The following AFDN variants were observed in gnomAD, a reference collection of about 807,000 sequenced individuals.
AFDN encodes the protein afadin, adherens junction formation factor.
A neutral mutation model predicts 216.6 loss-of-function variants in AFDN; 68 were observed. The ratio of observed to expected loss-of-function variants is 0.31; its 90% CI spans 0.26 to 0.38. AFDN has a LOEUF of 0.38. AFDN is among the 10% of genes least tolerant of loss of function. The pLI is 1.00. For missense variants in AFDN, 2,136 were observed against 2,342.0 expected (o/e 0.91, Z 1.82); for synonymous variants, 868 against 853.7 (o/e 1.02, Z -0.29).
chr6:167,835,824 G>A (rs576117016), intron 1 of AFDN, among the ~76,000 whole-genome samples: 23 of 152,294 alleles, frequency 1.5e-4, no homozygotes, highest in South Asian at 1.5e-3. Flanking sequence ...AACCTTGGGG[G>A]TTCATGGACT....
rs1213724662 is a variant in AFDN at position 167,962,944 on chromosome 6, T to C, written c.4968+377T>C. ...GATTGCTTAAATGGCATGTGGACCG[T>C]GGGAAGCAGTAGGAGCGTAGTAAGA... On this transcript the variant is annotated intron_variant, in intron 31 of 33. Transcript: ENST00000683244. The surrounding 1 kb of genome is among the most constrained non-coding windows in gnomAD (Gnocchi z 5.2). 39 of 1,122,998 alleles carry C rather than the reference T, an allele frequency of 3.5e-5. No individual in the cohort carries two copies. The highest frequency in any genetic ancestry group is 4.2e-5 in the Non-Finnish European group (38 of 912,534). The allele number at this position is 1,122,998 out of a possible 1,614,324, so 69.6% of individuals were successfully genotyped here.
chr6:167,842,942 C>T (rs1471355084), intron 1 of AFDN, among the ~76,000 whole-genome samples: 1 of 149,728 alleles, frequency 6.7e-6, no homozygotes, highest in Non-Finnish European at 1.5e-5. Context: ...TAAAGGTCTA[C>T]AAAAAAAAAC....
Position 167,902,042 on chromosome 6 carries a change from G to A in AFDN, c.1581-275G>A, listed in dbSNP as rs142506043. On this transcript the variant is annotated intron_variant, in intron 11 of 33. Coordinates refer to ENST00000683244, the MANE Select transcript of AFDN (RefSeq NM_001386888.1). ...GAGGAGGCAGAGGTTGCAGTGAGCC[G>A]AAATTGTGCTACTGTACTCCAGCCT... is the stretch of plus-strand genomic sequence containing the variant. Among the ~76,000 whole-genome samples the A allele has an allele frequency of 9.4e-3, 1,319 of 140,384 alleles. 21 individuals carry two copies. The highest frequency in any genetic ancestry group is 0.034 in the African/African-American group (1,255 of 37,152). 92.1% of individuals were successfully genotyped at this position (140,384 alleles called of 152,430 possible). A position where few individuals can be genotyped will look rare whatever the true frequency, so the allele number is the denominator to read the frequency against.
intron 5 of AFDN, 105 bp downstream of exon 5, chr6:167,875,600 AC>A: frequency 8.4e-7 from 1 of 1,187,342 alleles, no homozygotes; most frequent in South Asian, 1.5e-5. Context: ...GGGTGGTGTA[AC>A]CTTTTCATAA....
chr6:167,948,559 T>C, intron 29 of AFDN, 81 bp downstream of exon 29: 1 of 1,345,258 alleles, frequency 7.4e-7, no homozygotes, highest in Non-Finnish European at 1.0e-6. Context: ...TAATATTTTC[T>C]ATAGAACAGC....
chr6:167,926,743 C>G (rs1792588662), intron 23 of AFDN, among the ~76,000 whole-genome samples: 1 of 152,190 alleles, frequency 6.6e-6, no homozygotes, highest in Middle Eastern at 3.2e-3. Context: ...GACTTGCTGG[C>G]AGCTCACTCT....
At chr6:167,876,688 G>A (rs559316316) in intron 5 of AFDN, among the ~76,000 whole-genome samples, 1 of 152,146 alleles carries the variant, frequency 6.6e-6, no homozygotes, top group Non-Finnish European at 1.5e-5. Context: ...AGCTAGCTTA[G>A]AGTATCAATT....
chr6:167,874,357 TTTAA>T (rs1363597845), intron 4 of AFDN, among the ~76,000 whole-genome samples: 1 of 152,214 alleles, frequency 6.6e-6, no homozygotes, highest in African/African-American at 2.4e-5. Flanking sequence ...CTTGACTATT[TTTAA>T]TTAAATTATT....
chr6:167,947,039 A>G, intron 27 of AFDN, 138 bp downstream of exon 27: 1 of 710,902 alleles, frequency 1.4e-6, no homozygotes, highest in South Asian at 2.0e-5. Flanking sequence ...TTCATAAGGG[A>G]TATCATAAGT....
chr6:167,946,372 A>T (rs3800536), intron 26 of AFDN, among the ~76,000 whole-genome samples: 65,863 of 151,734 alleles, frequency 0.43, 14,961 homozygotes, highest in East Asian at 0.8. Flanking sequence ...AAGTTCAGAT[A>T]TTTTTCTACA....
rs1234877130 is a variant in AFDN at position 167,965,904 on chromosome 6, C to T, written c.5116C>T (p.Pro1706Ser). The T allele has an allele frequency of 1.3e-6, 2 of 1,549,736 alleles. No homozygotes were observed. The highest frequency in any genetic ancestry group is 8.7e-7 in the Non-Finnish European group (1 of 1,146,600). ...GGACTACGAGCCCCCGTCCCCGTCC[C>T]CCGCGCCCGGCGCCCCTCCTCCCCC... Reference protein sequence around the residue: ...PRDYEPPSPSPAPGAPPPPPQ... With the variant: ...PRDYEPPSPSSAPGAPPPPPQ... The change falls in exon 32 of 34, where the codon CCC (proline) becomes TCC (serine). Residue 1706 changes from proline (P) to serine (S), a missense_variant. Around this residue, in one of 8 missense-constraint regions of AFDN, gnomAD observed 981 missense variants for 966.0 expected, o/e 1.02. Coordinates refer to ENST00000683244, the MANE Select transcript of AFDN (RefSeq NM_001386888.1).
rs576453901 is a variant in AFDN at position 167,868,902 on chromosome 6, G to A, written c.302-1484G>A. ...CTCAGCCCTCCAAGCAGCTGGGACTGCAAGCACACACCACCACACCCGGCT... is the reference window on the plus strand; with the variant it reads ...CTCAGCCCTCCAAGCAGCTGGGACTACAAGCACACACCACCACACCCGGCT... On this transcript the variant is annotated intron_variant, in intron 2 of 33. Transcript: ENST00000683244. 4.6e-5 allele frequency among the ~76,000 whole-genome samples: 7 copies of A among 150,932 alleles called. No individual in the cohort carries two copies. The South Asian group carries it at 1.5e-3, about 32-fold the overall frequency.
intron 1 of AFDN, among the ~76,000 whole-genome samples, chr6:167,854,939 C>G (rs1167739971): frequency 6.6e-6 from 1 of 151,698 alleles, no homozygotes; most frequent in Non-Finnish European, 1.5e-5. Context: ...TTTTTAGTTA[C>G]TGTTTTCTTA....
chr6:167,875,642 A>G (rs546114192), intron 5 of AFDN, 147 bp downstream of exon 5: 2 of 829,658 alleles, frequency 2.4e-6, no homozygotes, highest in South Asian at 3.7e-5. Flanking sequence ...CTGGTACAAA[A>G]TCAGCCTACC....
In AFDN at chr6:167,914,731, A is replaced by G. The variant is rs754942623; in HGVS notation, c.2292A>G (p.Pro764=). The change falls in exon 18 of 34, where the codon CCA becomes CCG. Residue 764 remains proline (P), a synonymous_variant. Transcript: ENST00000683244. The part of the protein sequence containing the change: ...DDPEENSLQR[P]KIDDVLHTLT... ...CTGAAGAGAACAGTCTGCAACGACC[A>G]AAAATAGGTTAGGATGTTTTCTGAC... The G allele has an allele frequency of 3.1e-6, 5 of 1,603,500 alleles. No individual in the cohort carries two copies. Among genetic ancestry groups the G allele is most frequent in the Non-Finnish European group, 4.3e-6 (5 of 1,170,766 alleles).
Position 167,918,742 on chromosome 6 carries a change from T to C in AFDN, c.2717T>C (p.Ile906Thr), listed in dbSNP as rs140621299. Reference sequence around the variant, plus strand: ...CGTTTGTTTTCCAAACAGGATCTTATAGAAAATGTAGTGACTGTGGCTGAA... The same window carrying C: ...CGTTTGTTTTCCAAACAGGATCTTACAGAAAATGTAGTGACTGTGGCTGAA... ...PDEPFIPTDL[I>T]ENVVTVAENT... is the part of the protein sequence containing the mutation. The change falls in exon 21 of 34, where the codon ATA becomes ACA. Residue 906 changes from isoleucine to threonine, a missense_variant. This residue lies in a region of AFDN where 162 missense variants were observed against 182.6 expected (regional missense o/e 0.89). Transcript: ENST00000683244. 135 of 1,614,148 alleles carry C rather than the reference T, an allele frequency of 8.4e-5. No homozygotes were observed. In the Middle Eastern group the frequency reaches 2.8e-3, roughly 34 times the overall value.
chr6:167,869,007 C>G (rs1362892412), intron 2 of AFDN, among the ~76,000 whole-genome samples: 1 of 151,732 alleles, frequency 6.6e-6, no homozygotes, highest in Non-Finnish European at 1.5e-5. Context: ...AACTCTTGAG[C>G]TCGATCGATC....
chr6:167,944,865 G>T (rs1054046656), intron 26 of AFDN, among the ~76,000 whole-genome samples: 1 of 152,124 alleles, frequency 6.6e-6, no homozygotes. Flanking sequence ...GATGGAAGTT[G>T]CTCTGGGTGC....
intron 1 of AFDN, 102 bp downstream of exon 1, chr6:167,827,339 T>TC (rs1779225533): frequency 1.7e-5 from 2 of 114,856 alleles, no homozygotes; most frequent in Non-Finnish European, 2.3e-5. Context: ...CCGCCCTCCT[T>TC]TCCCCCTCCC....
Sources: allele counts gnomAD v4.1 joint callset (sites outside exome capture counted in the v4.1 genomes callset), GRCh38; gene constraint gnomAD v4.1.1; regional missense constraint gnomAD v4.1.1; non-coding constraint Gnocchi (gnomAD v3.1); transcripts MANE v1.5; gene names NCBI Gene and HGNC (gene_info 2026-07-23, HGNC 2026-07-21).